KIAA1549L: variants seen among roughly 807,000 people sequenced by gnomAD.
KIAA1549L encodes the protein UPF0606 protein KIAA1549L.
In KIAA1549L, 88 loss-of-function variants were observed where a neutral mutation model predicts 160.7. The observed-to-expected ratio is 0.55, with a 90% CI of 0.46 to 0.65. KIAA1549L has a LOEUF of 0.65. Ranked by LOEUF, KIAA1549L falls within the 30% of genes least tolerant of loss-of-function variation. The pLI, the probability that KIAA1549L is intolerant of heterozygous loss-of-function variation, is 0.00. For synonymous variants in KIAA1549L, 950 were observed against 976.7 expected (o/e 0.97, Z 0.51); for missense variants, 2,258 against 2,437.5 (o/e 0.93, Z 1.55).
intron 1 of KIAA1549L, among the ~76,000 whole-genome samples, chr11:33,448,128 A>G (rs1851653077): frequency 6.6e-6 from 1 of 152,194 alleles, no homozygotes; most frequent in African/African-American, 2.4e-5. Flanking sequence ...CATGTGCAGA[A>G]CATGCAGGTT....
In KIAA1549L at chr11:33,543,339, TCA is replaced by T; in HGVS notation, c.1780_1781del (p.Thr594CysfsTer7). ...TTCCAAGGAAAGAGGTTTTGAGTCT[TCA>T]CACTGTAAATGGATTTGTCTCTGAT... is the stretch of plus-strand genomic sequence containing the variant. ...AFPRKEVLSLHTVNGFVSDFS... is the reference protein window; with the variant it reads ...AFPRKEVLSLXTVNGFVSDFS... On this transcript the variant is annotated frameshift_variant, in exon 2 of 21. Coordinates refer to ENST00000658780, the MANE Select transcript of KIAA1549L (RefSeq NM_012194.3). LOFTEE classifies it high-confidence loss of function. 1 of 1,614,036 alleles carries T rather than the reference TCA, an allele frequency of 6.2e-7. No individual in the cohort carries two copies. The highest frequency in any genetic ancestry group is 8.5e-7 in the Non-Finnish European group (1 of 1,179,892).
Position 33,543,800 on chromosome 11 carries a change from G to A in KIAA1549L, c.2237G>A (p.Gly746Asp). ...TTAGCTCCAACAGCTCCTCCCAATG[G>A]TTTAACTTCAGCTGCCGATGCCATA... is the stretch of plus-strand genomic sequence containing the variant. ...THLAPTAPPNGLTSAADAIKS... is the reference protein window; with the variant it reads ...THLAPTAPPNDLTSAADAIKS... The change falls in exon 2 of 21, where the codon GGT (glycine) becomes GAT (aspartate). Residue 746 changes from glycine (G) to aspartate (D), a missense_variant. Physicochemically the swap from Gly to Asp is moderately conservative, Grantham distance 94. Transcript: ENST00000658780. 4 of 1,614,032 alleles carry A rather than the reference G, an allele frequency of 2.5e-6. No individual in the cohort carries two copies. Among genetic ancestry groups the A allele is most frequent in the Non-Finnish European group, 3.4e-6 (4 of 1,179,898 alleles).
At chr11:33,488,489 T>C (rs1852581233) in intron 1 of KIAA1549L, among the ~76,000 whole-genome samples, 1 of 152,242 alleles carries the variant, frequency 6.6e-6, no homozygotes, top group African/African-American at 2.4e-5. Context: ...TGTTTAATAG[T>C]TACTAGCATT....
chr11:33,540,958 G>A (rs375885936), intron 1 of KIAA1549L, among the ~76,000 whole-genome samples: 46 of 152,236 alleles, frequency 3.0e-4, no homozygotes, highest in African/African-American at 9.4e-4. Context: ...TTGGGTATCC[G>A]TAAACCCCAA....
At chr11:33,566,259 G>A (rs1200001344) in intron 8 of KIAA1549L, among the ~76,000 whole-genome samples, 1 of 151,886 alleles carries the variant, frequency 6.6e-6, no homozygotes, top group East Asian at 1.9e-4. Flanking sequence ...ACTGTCCTGT[G>A]TCCCCTCTCT....
intron 1 of KIAA1549L, among the ~76,000 whole-genome samples, chr11:33,487,399 GTTCT>G (rs573024263): frequency 0.019 from 2,305 of 122,540 alleles, 56 homozygotes; most frequent in African/African-American, 0.067. Context: ...ATGGTCTATT[GTTCT>G]TTTTTTTTTT....
intron 1 of KIAA1549L, among the ~76,000 whole-genome samples, chr11:33,455,742 T>C (rs1273845061): frequency 2.0e-5 from 3 of 152,228 alleles, no homozygotes; most frequent in African/African-American, 7.2e-5. Flanking sequence ...TTCTAGAAGA[T>C]GACAGAGGTC....
At chr11:33,433,635 C>CT (rs1851296494) in intron 1 of KIAA1549L, among the ~76,000 whole-genome samples, 1 of 152,228 alleles carries the variant, frequency 6.6e-6, no homozygotes, top group African/African-American at 2.4e-5. Flanking sequence ...AAGACACATG[C>CT]ATACATACAT....
At chr11:33,503,235 TGA>T (rs1490358859) in intron 1 of KIAA1549L, among the ~76,000 whole-genome samples, 1 of 152,240 alleles carries the variant, frequency 6.6e-6, no homozygotes, top group Non-Finnish European at 1.5e-5. Flanking sequence ...ATTATGTGTG[TGA>T]GTTTCATTAA....
Position 33,635,077 on chromosome 11 carries a change from G to A in KIAA1549L, c.5410-10609G>A, listed in dbSNP as rs182410733. ...AAGCTTCCAGGATGCAGGCTTATGG[G>A]AAACTGCTGCCAAAGGTCTCTCTGC... On this transcript the variant is annotated intron_variant, in intron 16 of 20. Transcript: ENST00000658780. Among the ~76,000 whole-genome samples, 11 of 152,248 alleles carry A rather than the reference G, an allele frequency of 7.2e-5. No individual in the cohort carries two copies. The East Asian group carries it at 2.1e-3, about 29-fold the overall frequency.
At chr11:33,631,547 C>A (rs1396395463) in intron 16 of KIAA1549L, among the ~76,000 whole-genome samples, 3 of 152,126 alleles carry the variant, frequency 2.0e-5, no homozygotes, top group Admixed American at 1.3e-4. Flanking sequence ...GTGCCAGAAG[C>A]CCCTCCCAGT....
At chr11:33,590,126 T>C (rs1850005056) in intron 11 of KIAA1549L, among the ~76,000 whole-genome samples, 1 of 152,264 alleles carries the variant, frequency 6.6e-6, no homozygotes, top group African/African-American at 2.4e-5. Context: ...TTGAATTTCT[T>C]ATTTAATCCT....
chr11:33,400,363 T>G (rs1042383994), intron 1 of KIAA1549L, among the ~76,000 whole-genome samples: 1 of 152,208 alleles, frequency 6.6e-6, no homozygotes, highest in African/African-American at 2.4e-5. Flanking sequence ...CTAAATGAAC[T>G]GGGCTATCAA....
chr11:33,381,406 C>T (rs1354666577), intron 1 of KIAA1549L, among the ~76,000 whole-genome samples: 2 of 152,110 alleles, frequency 1.3e-5, no homozygotes, highest in African/African-American at 4.8e-5. Context: ...AAGAATATTC[C>T]AGGCTGTGGG....
chr11:33,400,199 G>C (rs1850469963), intron 1 of KIAA1549L, among the ~76,000 whole-genome samples: 1 of 152,174 alleles, frequency 6.6e-6, no homozygotes, highest in Non-Finnish European at 1.5e-5. Flanking sequence ...TACAAAACAT[G>C]CATGATGTGT....
chr11:33,519,159 A>G (rs927877772), intron 1 of KIAA1549L, among the ~76,000 whole-genome samples: 5 of 152,198 alleles, frequency 3.3e-5, no homozygotes, highest in Admixed American at 1.3e-4. Flanking sequence ...AAATACTCAG[A>G]ATTCTGAATA....
At chr11:33,484,084 C>T (rs968193681) in intron 1 of KIAA1549L, among the ~76,000 whole-genome samples, 1 of 152,104 alleles carries the variant, frequency 6.6e-6, no homozygotes, top group Non-Finnish European at 1.5e-5. Flanking sequence ...AGAGCAAAAA[C>T]CAGAATGGCA....
chr11:33,485,415 A>G (rs1176655429), intron 1 of KIAA1549L, among the ~76,000 whole-genome samples: 4 of 152,192 alleles, frequency 2.6e-5, no homozygotes, highest in Non-Finnish European at 4.4e-5. Flanking sequence ...GTCATTGTCA[A>G]TGTGTACCTT....
intron 1 of KIAA1549L, among the ~76,000 whole-genome samples, chr11:33,446,205 C>T (rs1851608636): frequency 6.6e-6 from 1 of 151,820 alleles, no homozygotes; most frequent in Admixed American, 6.6e-5. Context: ...AGCGATTATC[C>T]TGCCTCAGCC....
Sources: allele counts gnomAD v4.1 joint callset (sites outside exome capture counted in the v4.1 genomes callset), GRCh38; gene constraint gnomAD v4.1.1; transcripts MANE v1.5; gene names NCBI Gene and HGNC (gene_info 2026-07-23, HGNC 2026-07-21).